The following DDX10 variants were observed in gnomAD, a reference collection of about 807,000 sequenced individuals.
DDX10 encodes DEAD-box helicase 10, also known as probable ATP-dependent RNA helicase DDX10.
DDX10 carries 74 observed loss-of-function variants against 104.3 expected under a neutral mutation model. The observed-to-expected ratio is 0.71, with a 90% confidence interval of 0.59 to 0.86. DDX10 has a LOEUF of 0.86. Ranked by LOEUF, DDX10 falls within the 40% of genes least tolerant of loss-of-function variation. DDX10 has a pLI of 0.00. For missense variants in DDX10, 952 were observed against 1,040.0 expected (o/e 0.92, Z 1.16); for synonymous variants, 351 against 353.4 (o/e 0.99, Z 0.08).
intron 13 of DDX10, among the ~76,000 whole-genome samples, chr11:108,724,508 G>A (rs917036319): frequency 6.6e-6 from 1 of 152,092 alleles, no homozygotes; most frequent in African/African-American, 2.4e-5. Context: ...TAGGTGTTCT[G>A]ACTTTAATAT....
intron 16 of DDX10, among the ~76,000 whole-genome samples, chr11:108,881,461 T>G (rs1394192444): frequency 2.0e-5 from 3 of 152,174 alleles, no homozygotes; most frequent in Non-Finnish European, 4.4e-5. Flanking sequence ...TGTTAATCCT[T>G]TCAATTCAGT....
chr11:108,817,691 C>T (rs138644754), intron 13 of DDX10, among the ~76,000 whole-genome samples: 4 of 152,096 alleles, frequency 2.6e-5, no homozygotes, highest in South Asian at 4.1e-4. Flanking sequence ...CTTTGTAGTT[C>T]GTATTTTATC....
Position 108,893,306 on chromosome 11 carries a change from A to C in DDX10, c.2305-24567A>C, listed in dbSNP as rs137878330. Among the ~76,000 whole-genome samples the C allele has an allele frequency of 9.7e-3, 1,471 of 152,084 alleles. 18 individuals are homozygous for C. Among genetic ancestry groups the C allele is most frequent in the African/African-American group, 0.033 (1,377 of 41,518 alleles). On this transcript the variant is annotated intron_variant, in intron 16 of 17. Transcript: ENST00000322536. ...GGTTAAATTGTCTTTTGTGGAATGA[A>C]TTTTGTATTAACTTTATTAAAAATA...
At chr11:108,737,774 A>G (rs558117024) in intron 13 of DDX10, among the ~76,000 whole-genome samples, 9 of 152,238 alleles carry the variant, frequency 5.9e-5, no homozygotes, top group African/African-American at 1.7e-4. Flanking sequence ...CAGTGAATCA[A>G]TTTCTCAGTG....
chr11:108,705,267 T>C (rs1018909094), intron 9 of DDX10, among the ~76,000 whole-genome samples: 3 of 152,218 alleles, frequency 2.0e-5, no homozygotes, highest in African/African-American at 7.2e-5. Context: ...TTGTAGTACC[T>C]TATTCTCTTC....
chr11:108,908,161 A>G (rs773588872), intron 16 of DDX10, among the ~76,000 whole-genome samples: 1 of 152,190 alleles, frequency 6.6e-6, no homozygotes, highest in Admixed American at 6.5e-5. Context: ...GCTTGGGGAA[A>G]TCTCAAAATC....
At chr11:108,774,655 A>C (rs987504859) in intron 13 of DDX10, among the ~76,000 whole-genome samples, 2 of 152,198 alleles carry the variant, frequency 1.3e-5, no homozygotes, top group African/African-American at 4.8e-5. Context: ...AAAAGGGATA[A>C]AAACCTTTTA....
At chr11:108,769,620 T>G (rs1431336267) in intron 13 of DDX10, among the ~76,000 whole-genome samples, 1 of 152,156 alleles carries the variant, frequency 6.6e-6, no homozygotes, top group Non-Finnish European at 1.5e-5. Context: ...ATAGGTTGTT[T>G]CCATTTTTTT....
chr11:108,871,108 A>G (rs1022326951), intron 16 of DDX10, among the ~76,000 whole-genome samples: 2 of 152,098 alleles, frequency 1.3e-5, no homozygotes, highest in African/African-American at 4.8e-5. Context: ...GACAATCTCT[A>G]ATTATACACT....
chr11:108,853,330 T>A (rs1279697901), intron 16 of DDX10, among the ~76,000 whole-genome samples: 1 of 152,212 alleles, frequency 6.6e-6, no homozygotes, highest in Non-Finnish European at 1.5e-5. Flanking sequence ...ATTTGATATT[T>A]ATGAATATTG....
At chr11:108,905,300 T>G in intron 16 of DDX10, among the ~76,000 whole-genome samples, 1 of 46,882 alleles carries the variant, frequency 2.1e-5, no homozygotes, top group East Asian at 7.8e-4. Context: ...TAAGGTACTA[T>G]TAGATTGTTT....
At chr11:108,884,459 C>T (rs576918353) in intron 16 of DDX10, among the ~76,000 whole-genome samples, 9 of 152,220 alleles carry the variant, frequency 5.9e-5, no homozygotes, top group East Asian at 1.9e-4. Context: ...CCCCTCCTCC[C>T]GTAACTATTG....
chr11:108,716,407 ATTC>A (rs1381272841), intron 11 of DDX10, among the ~76,000 whole-genome samples: 1 of 152,162 alleles, frequency 6.6e-6, no homozygotes, highest in African/African-American at 2.4e-5. Flanking sequence ...AGTCTAGCTT[ATTC>A]TTTAAAATTT....
chr11:108,686,069 T>G (rs978904839), intron 6 of DDX10, among the ~76,000 whole-genome samples: 1 of 152,228 alleles, frequency 6.6e-6, no homozygotes, highest in Non-Finnish European at 1.5e-5. Flanking sequence ...CCTATAGATA[T>G]GGCCTATTTC....
chr11:108,738,500 T>C (rs1022692514), intron 13 of DDX10, among the ~76,000 whole-genome samples: 2 of 152,114 alleles, frequency 1.3e-5, no homozygotes, highest in African/African-American at 2.4e-5. Context: ...TATTTTATTA[T>C]CCAAGAATAT....
intron 17 of DDX10, among the ~76,000 whole-genome samples, chr11:108,933,548 C>T (rs1393252160): frequency 6.6e-6 from 1 of 152,156 alleles, no homozygotes; most frequent in Non-Finnish European, 1.5e-5. Flanking sequence ...AGTGACATGC[C>T]GAGTTTTGAT....
chr11:108,778,106 A>C (rs1260398693), intron 13 of DDX10, among the ~76,000 whole-genome samples: 2 of 152,216 alleles, frequency 1.3e-5, no homozygotes, highest in Non-Finnish European at 2.9e-5. Flanking sequence ...TATTGTGAAG[A>C]TGGCCATACT....
chr11:108,705,613 A>G (rs540629248), intron 9 of DDX10, among the ~76,000 whole-genome samples: 1 of 152,206 alleles, frequency 6.6e-6, no homozygotes, highest in Non-Finnish European at 1.5e-5. Flanking sequence ...CTGTTTCTTT[A>G]TGTTCTTTAC....
intron 16 of DDX10, among the ~76,000 whole-genome samples, chr11:108,876,861 C>T (rs527721127): frequency 6.6e-6 from 1 of 152,102 alleles, no homozygotes; most frequent in Non-Finnish European, 1.5e-5. Context: ...GGTAGCTTTC[C>T]TTGAAGTTTT....
Sources: gnomAD v4.1 joint callset for allele counts (sites outside exome capture counted in the v4.1 genomes callset) on GRCh38, gnomAD v4.1.1 for gene constraint, MANE v1.5 for transcripts, NCBI Gene and HGNC (gene_info 2026-07-23, HGNC 2026-07-21) for gene names.